TAFA1: variants seen among roughly 807,000 people sequenced by gnomAD.
TAFA1 encodes the protein TAFA chemokine like family member 1, also known as chemokine-like protein TAFA-1.
In TAFA1, 4 loss-of-function variants were observed where a neutral mutation model predicts 18.5. The ratio of observed to expected loss-of-function variants is 0.22; its 90% confidence interval spans 0.11 to 0.49. TAFA1 has a LOEUF of 0.49. Ranked by LOEUF, TAFA1 falls within the 20% of genes least tolerant of loss-of-function variation. The pLI is 0.98. For missense variants in TAFA1, 147 were observed against 169.0 expected, an observed-to-expected ratio of 0.87 and a Z score of 0.72; for synonymous variants, 56 against 55.2, an observed-to-expected ratio of 1.01 and a Z score of -0.06.
At chr3:68,076,783 T>C (rs1009058450) in intron 2 of TAFA1, among the ~76,000 whole-genome samples, 1 of 152,288 alleles carries the variant, frequency 6.6e-6, no homozygotes, top group Non-Finnish European at 1.5e-5. Flanking sequence ...TTCATGTGTC[T>C]TTATAGCAGC....
At chr3:68,154,663 T>C (rs1418884500) in intron 2 of TAFA1, among the ~76,000 whole-genome samples, 1 of 152,222 alleles carries the variant, frequency 6.6e-6, no homozygotes, top group Non-Finnish European at 1.5e-5. Flanking sequence ...GTGTTCTTGC[T>C]AATACTCTAG....
chr3:68,136,419 C>A (rs1160916338), intron 2 of TAFA1, among the ~76,000 whole-genome samples: 1 of 152,134 alleles, frequency 6.6e-6, no homozygotes, highest in African/African-American at 2.4e-5. Flanking sequence ...AGGACAGAGC[C>A]TTTTCTGGAG....
chr3:67,994,941 T>C, the TAFA1 span, among the ~76,000 whole-genome samples: 1 of 151,930 alleles, frequency 6.6e-6, no homozygotes, highest in Admixed American at 6.5e-5. Flanking sequence ...GTTACATAAG[T>C]GAAAATCAGG....
chr3:68,002,597 C>A (rs1217764739), upstream of TAFA1, among the ~76,000 whole-genome samples: 1 of 152,098 alleles, frequency 6.6e-6, no homozygotes, highest in East Asian at 1.9e-4. Flanking sequence ...GTAATATGTA[C>A]CTCTAGAAAG....
intron 2 of TAFA1, among the ~76,000 whole-genome samples, chr3:68,239,825 TAAC>T (rs568000188): frequency 7.9e-5 from 12 of 152,206 alleles, no homozygotes; most frequent in Non-Finnish European, 1.8e-4. Context: ...CATGTCCCTG[TAAC>T]AACCTTGTTG....
intron 1 of TAFA1, chr3:68,006,399 G>A: frequency 2.0e-6 from 1 of 502,316 alleles, no homozygotes; most frequent in Non-Finnish European, 3.6e-6. Flanking sequence ...GCCAATCCTT[G>A]GAGTTTTGTT....
chr3:68,146,357 C>A (rs1049356651), intron 2 of TAFA1, among the ~76,000 whole-genome samples: 1 of 152,164 alleles, frequency 6.6e-6, no homozygotes, highest in Non-Finnish European at 1.5e-5. Flanking sequence ...TCTTTAGATG[C>A]CGTCTTTCTC....
intron 3 of TAFA1, among the ~76,000 whole-genome samples, chr3:68,462,880 A>T (rs1312565506): frequency 1.3e-5 from 2 of 152,228 alleles, no homozygotes; most frequent in Non-Finnish European, 2.9e-5. Flanking sequence ...CATTGGTAGG[A>T]AAAGCTTCCT....
intron 2 of TAFA1, among the ~76,000 whole-genome samples, chr3:68,259,074 G>T (rs1365775275): frequency 6.6e-6 from 1 of 152,144 alleles, no homozygotes; most frequent in African/African-American, 2.4e-5. Flanking sequence ...CACAGATGCT[G>T]ACTCAGTGAG....
chr3:68,381,534 T>C (rs1489629463), intron 2 of TAFA1, among the ~76,000 whole-genome samples: 1 of 152,212 alleles, frequency 6.6e-6, no homozygotes, highest in Non-Finnish European at 1.5e-5. Context: ...TTGAAGCAAA[T>C]GTGAATGGGA....
At chr3:68,370,286 CAAAAAAAAAAAAAAAAAAAAA>C (rs71618234) in intron 2 of TAFA1, among the ~76,000 whole-genome samples, 1 of 10,854 alleles carries the variant, frequency 9.2e-5, no homozygotes, top group African/African-American at 4.0e-4. Context: ...GACCCCATCT[CAAAAAAAAAAAAAAAAAAAAA>C]AAAAAAAAAA....
intron 4 of TAFA1, among the ~76,000 whole-genome samples, chr3:68,543,964 C>T (rs1457373062): frequency 6.6e-6 from 1 of 152,068 alleles, no homozygotes; most frequent in African/African-American, 2.4e-5. Context: ...CACCTCATGC[C>T]AGCCCTCTAT....
chr3:68,007,594 C>A (rs896101769), intron 2 of TAFA1, among the ~76,000 whole-genome samples: 1 of 151,832 alleles, frequency 6.6e-6, no homozygotes, highest in Admixed American at 6.6e-5. Flanking sequence ...CCGCCTTCAC[C>A]CTCCACCCCA....
chr3:68,439,287 T>C (rs2071322574), intron 3 of TAFA1, among the ~76,000 whole-genome samples: 1 of 151,490 alleles, frequency 6.6e-6, no homozygotes, highest in Admixed American at 6.6e-5. Context: ...ATGAAACGTC[T>C]ATATTTTGCA....
intron 2 of TAFA1, among the ~76,000 whole-genome samples, chr3:68,015,723 G>A (rs1167736042): frequency 6.6e-6 from 1 of 152,140 alleles, no homozygotes; most frequent in African/African-American, 2.4e-5. Context: ...AATCTAGTCT[G>A]CAGCCCACTA....
At chr3:68,149,272 T>C (rs997474559) in intron 2 of TAFA1, among the ~76,000 whole-genome samples, 5 of 152,332 alleles carry the variant, frequency 3.3e-5, no homozygotes, top group South Asian at 2.1e-4. Context: ...CTAAAGTAAA[T>C]GTAGAAACTC....
chr3:68,506,254 T>A (rs141218954), intron 3 of TAFA1, among the ~76,000 whole-genome samples: 1 of 152,134 alleles, frequency 6.6e-6, no homozygotes, highest in Non-Finnish European at 1.5e-5. Flanking sequence ...TTCCATGGTG[T>A]ATATATGCCA....
At chr3:68,056,643 C>T (rs1343450141) in intron 2 of TAFA1, among the ~76,000 whole-genome samples, 1 of 152,096 alleles carries the variant, frequency 6.6e-6, no homozygotes, top group East Asian at 1.9e-4. Context: ...GGAAATAGGG[C>T]AAAACACATG....
chr3:68,187,726 T>C (rs1198866418), intron 2 of TAFA1, among the ~76,000 whole-genome samples: 4 of 152,006 alleles, frequency 2.6e-5, no homozygotes, highest in African/African-American at 7.2e-5. Context: ...TTAGTTTTAG[T>C]AGAAAATGCC....
Sources: gnomAD v4.1 joint callset for allele counts (sites outside exome capture counted in the v4.1 genomes callset) on GRCh38, gnomAD v4.1.1 for gene constraint, MANE v1.5 for transcripts, NCBI Gene and HGNC (gene_info 2026-07-23, HGNC 2026-07-21) for gene names.